NCOA1: variants seen among roughly 807,000 people sequenced by gnomAD.
NCOA1 encodes the protein nuclear receptor coactivator 1.
In NCOA1, 35 loss-of-function variants were observed where a neutral mutation model predicts 150.9. That is an observed-to-expected ratio of 0.23 (90% confidence interval 0.18 to 0.31). The LOEUF is 0.31. Among genes scored for constraint, NCOA1 ranks in the 10% least tolerant of loss-of-function variants. The pLI is 1.00. For missense variants in NCOA1, 1,491 were observed against 1,749.3 expected (o/e 0.85, Z 2.63); for synonymous variants, 590 against 630.0 (o/e 0.94, Z 0.95).
chr2:24,635,116 C>T lies in NCOA1; in HGVS notation c.-174-8850C>T, dbSNP rs56256270. On this transcript the variant is annotated intron_variant, in intron 3 of 22. Transcript: ENST00000348332. Reference sequence around the variant, plus strand: ...AATAATTAATATTTAGAAGAATAAGCTTACTGATTCCATAATAACAAACAT... The same window carrying T: ...AATAATTAATATTTAGAAGAATAAGTTTACTGATTCCATAATAACAAACAT... 1.6e-3 allele frequency among the ~76,000 whole-genome samples: 236 copies of T among 152,230 alleles called. 1 individual carries two copies. Among genetic ancestry groups the T allele is most frequent in the African/African-American group, 5.5e-3 (228 of 41,536 alleles).
At chr2:24,719,589 A>G (rs1022041974) in intron 14 of NCOA1, among the ~76,000 whole-genome samples, 2 of 152,320 alleles carry the variant, frequency 1.3e-5, no homozygotes, top group East Asian at 1.9e-4. Context: ...TCTGCTTGAT[A>G]TATTCACCTT....
chr2:24,519,810 A>G (rs991482919), intron 1 of NCOA1, among the ~76,000 whole-genome samples: 3 of 152,120 alleles, frequency 2.0e-5, no homozygotes, highest in African/African-American at 4.8e-5. Context: ...TAGTAGCAGT[A>G]TTTTTTGAAA....
intron 1 of NCOA1, among the ~76,000 whole-genome samples, chr2:24,499,244 A>G (rs1198120318): frequency 1.3e-5 from 2 of 152,186 alleles, no homozygotes; most frequent in African/African-American, 4.8e-5. Flanking sequence ...CATCTATTTA[A>G]TATGTGGCAG....
intron 14 of NCOA1, among the ~76,000 whole-genome samples, chr2:24,711,973 A>C (rs744078): frequency 0.15 from 23,471 of 152,250 alleles, 2,189 homozygotes; most frequent in Non-Finnish European, 0.21. Context: ...ATTTCAGTCC[A>C]ACTGGAACTT....
rs1185651148 is a variant in NCOA1, at chr2:24,739,633, C to T, written c.3303+100C>T. The T allele has an allele frequency of 6.2e-6, 5 of 802,800 alleles. No homozygotes were observed. In the Admixed American group the frequency reaches 1.1e-4, roughly 18 times the overall value. The allele number at this position is 802,800 out of a possible 1,614,324, so 49.7% of individuals were successfully genotyped here. Reference sequence around the variant, plus strand: ...TCTTTGAAATGGTCTGTGAGCTGATCTTTTAATGATGTTTGTAGTGTAGTT... The same window carrying T: ...TCTTTGAAATGGTCTGTGAGCTGATTTTTTAATGATGTTTGTAGTGTAGTT... On this transcript the variant is annotated intron_variant, in intron 18 of 22. Transcript: ENST00000348332.
chr2:24,501,701 G>T (rs1265641204), intron 1 of NCOA1, among the ~76,000 whole-genome samples: 2 of 152,112 alleles, frequency 1.3e-5, no homozygotes, highest in Non-Finnish European at 2.9e-5. Flanking sequence ...GGGGTTCATA[G>T]AATAAGAGCC....
In NCOA1 at chr2:24,664,946, CA is replaced by C. The variant is rs1302345464; in HGVS notation, c.90-799del. 4.6e-5 allele frequency among the ~76,000 whole-genome samples: 7 copies of C among 152,070 alleles called. No homozygotes were observed. In the East Asian group the frequency reaches 1.3e-3, roughly 29 times the overall value. On this transcript the variant is annotated intron_variant, in intron 5 of 22. Transcript: ENST00000348332. ...TACTTAACTGTCTTTATATGTATTA[CA>C]AAACAAGTTGTCTGATGACTTGGCT...
At chr2:24,632,103 C>A (rs1016031926) in intron 3 of NCOA1, among the ~76,000 whole-genome samples, 4 of 151,904 alleles carry the variant, frequency 2.6e-5, no homozygotes, top group African/African-American at 9.7e-5. Flanking sequence ...AGTTAAACAA[C>A]AACAAAAATA....
At chr2:24,687,861 G>C (rs906114422) in intron 8 of NCOA1, among the ~76,000 whole-genome samples, 2 of 152,102 alleles carry the variant, frequency 1.3e-5, no homozygotes, top group Non-Finnish European at 2.9e-5. Context: ...AAGGTACTAA[G>C]GCTAGCACCC....
At chr2:24,704,540 G>A (rs753418166) in intron 11 of NCOA1, among the ~76,000 whole-genome samples, 2 of 152,134 alleles carry the variant, frequency 1.3e-5, no homozygotes, top group Non-Finnish European at 2.9e-5. Context: ...ACTTTGGGAT[G>A]CCAAGGTGAA....
At chr2:24,642,043 C>CGCGCGT (rs1466622355) in intron 3 of NCOA1, among the ~76,000 whole-genome samples, 4 of 90,558 alleles carry the variant, frequency 4.4e-5, no homozygotes, top group African/African-American at 1.7e-4. Context: ...TGTGTGCGCG[C>CGCGCGT]GTGCGTATGT....
At chr2:24,734,098 A>G (rs1441911347) in intron 17 of NCOA1, among the ~76,000 whole-genome samples, 1 of 151,672 alleles carries the variant, frequency 6.6e-6, no homozygotes, top group Non-Finnish European at 1.5e-5. Context: ...AATCGCTTGA[A>G]TCCAGGAGGT....
Position 24,644,108 on chromosome 2 carries a change from AAAG to A in NCOA1, c.-28_-26del, listed in dbSNP as rs1670354980. The A allele has an allele frequency of 6.6e-6, 1 of 152,228 alleles. No homozygotes were observed. Among genetic ancestry groups the A allele is most frequent in the Admixed American group, 6.5e-5 (1 of 15,284 alleles). 9.4% of individuals were successfully genotyped at this position (152,228 alleles called of 1,614,324 possible). On this transcript the variant is annotated 5_prime_UTR_variant, in exon 4 of 23. Coordinates refer to ENST00000348332, the MANE Select transcript of NCOA1 (RefSeq NM_003743.5). The stretch of plus-strand genomic sequence containing the variant: ...TCTGTTTTGAGGATTCATTATGAAC[AAAG>A]AAGTCTCCCAGGTAGGAATTGTAGT...
At chr2:24,753,668 C>G (rs971620555) in intron 20 of NCOA1, among the ~76,000 whole-genome samples, 8 of 152,214 alleles carry the variant, frequency 5.3e-5, no homozygotes, top group African/African-American at 1.7e-4. Context: ...AAAAGTGACT[C>G]TCCTCCTATC....
chr2:24,589,280 A>G (rs773847691), intron 3 of NCOA1, among the ~76,000 whole-genome samples: 5 of 152,062 alleles, frequency 3.3e-5, no homozygotes, highest in Non-Finnish European at 5.9e-5. Flanking sequence ...TTTTGCTCCT[A>G]GAATGCATTG....
intron 1 of NCOA1, among the ~76,000 whole-genome samples, chr2:24,503,122 T>C (rs1250338975): frequency 6.6e-6 from 1 of 152,178 alleles, no homozygotes; most frequent in Non-Finnish European, 1.5e-5. Flanking sequence ...AAATAGACCT[T>C]TTGTGGGTGT....
At position 24,766,806 on chromosome 2, in the gene NCOA1, C is replaced by T. The variant is rs573443068; in HGVS notation, c.4156-1415C>T. Among the ~76,000 whole-genome samples, 18 of 151,994 alleles carry T rather than the reference C, an allele frequency of 1.2e-4. No individual in the cohort carries two copies. In the East Asian group the frequency reaches 1.7e-3, roughly 15 times the overall value. On this transcript the variant is annotated intron_variant, in intron 22 of 22. Coordinates refer to ENST00000348332, the MANE Select transcript of NCOA1 (RefSeq NM_003743.5). ...AATGAGACGTTACAGACCACAAAGG[C>T]GGGGCAAGGGCACAGAGGCAGCTGG... is the stretch of plus-strand genomic sequence containing the variant.
intron 19 of NCOA1, among the ~76,000 whole-genome samples, chr2:24,747,769 G>A (rs541771215): frequency 6.6e-6 from 1 of 151,894 alleles, no homozygotes; most frequent in South Asian, 2.1e-4. Flanking sequence ...GAAGATGGTG[G>A]CAAAACAAAA....
chr2:24,559,778 T>C, intron 1 of NCOA1, among the ~76,000 whole-genome samples: 1 of 1,352 alleles, frequency 7.4e-4, no homozygotes, highest in Admixed American at 0.018. Flanking sequence ...CTCCACCACC[T>C]GGCAGAGGTT....
Sources: allele counts gnomAD v4.1 joint callset (sites outside exome capture counted in the v4.1 genomes callset), GRCh38; gene constraint gnomAD v4.1.1; transcripts MANE v1.5; gene names NCBI Gene and HGNC (gene_info 2026-07-23, HGNC 2026-07-21).